Variants in FER1L6 observed in about 807,000 individuals in gnomAD.
The protein encoded by FER1L6 is fer-1 like family member 6.
FER1L6 carries 177 observed loss-of-function variants against 219.2 expected under a neutral mutation model. The ratio of observed to expected loss-of-function variants is 0.81; its 90% CI spans 0.71 to 0.91. FER1L6 has a LOEUF of 0.91. FER1L6 is among the 40% of genes least tolerant of loss of function. The pLI is 0.00. For synonymous variants in FER1L6, 768 were observed against 824.3 expected (o/e 0.93, Z 1.17); for missense variants, 2,153 against 2,259.9 (o/e 0.95, Z 0.96).
chr8:124,100,846 C>T (rs1318576602), intron 37 of FER1L6, among the ~76,000 whole-genome samples: 1 of 109,210 alleles, frequency 9.2e-6, no homozygotes, highest in Non-Finnish European at 2.0e-5. Context: ...CATGGGGCTT[C>T]AGATCTACAC....
chr8:123,934,685 A>C (rs574740509), intron 1 of FER1L6, among the ~76,000 whole-genome samples: 35 of 152,132 alleles, frequency 2.3e-4, no homozygotes, highest in African/African-American at 8.4e-4. Flanking sequence ...CCTTTCATCT[A>C]ATGGTTTTAG....
chr8:123,996,988 T>G (rs1265988248), intron 12 of FER1L6, among the ~76,000 whole-genome samples: 1 of 152,292 alleles, frequency 6.6e-6, no homozygotes, highest in Non-Finnish European at 1.5e-5. Context: ...TGTAGTTATT[T>G]GTTTTTGATA....
chr8:124,030,809 C>G (rs1355357803), intron 18 of FER1L6, among the ~76,000 whole-genome samples: 7 of 152,150 alleles, frequency 4.6e-5, no homozygotes, highest in Admixed American at 4.6e-4. Context: ...CTCACTAATA[C>G]TGACCAACTC....
At chr8:123,905,006 C>T (rs1812925293) in intron 1 of FER1L6, among the ~76,000 whole-genome samples, 1 of 152,174 alleles carries the variant, frequency 6.6e-6, no homozygotes, top group Non-Finnish European at 1.5e-5. Flanking sequence ...TTTACCAGCA[C>T]ACCCCTGAAG....
At chr8:124,006,946 C>A (rs1489982765) in intron 13 of FER1L6, among the ~76,000 whole-genome samples, 3 of 152,102 alleles carry the variant, frequency 2.0e-5, no homozygotes, top group Non-Finnish European at 4.4e-5. Flanking sequence ...TGAGACAAAG[C>A]AAAATTTGGG....
At chr8:124,087,696 C>T (rs1332788094) in intron 33 of FER1L6, among the ~76,000 whole-genome samples, 2 of 152,062 alleles carry the variant, frequency 1.3e-5, no homozygotes, top group Admixed American at 1.3e-4. Context: ...GCAGTCTGCG[C>T]TTGTTTGTAC....
intron 12 of FER1L6, among the ~76,000 whole-genome samples, chr8:124,001,438 T>C (rs1231896602): frequency 6.6e-6 from 1 of 152,222 alleles, no homozygotes; most frequent in African/African-American, 2.4e-5. Context: ...GCTCTCATGC[T>C]CTGCCTTTGT....
intron 20 of FER1L6, among the ~76,000 whole-genome samples, chr8:124,043,309 C>T (rs72714690): frequency 0.3 from 45,614 of 151,994 alleles, 7,676 homozygotes; most frequent in Non-Finnish European, 0.38. Context: ...TAATATCCAA[C>T]GTGCCCAAGT....
intron 12 of FER1L6, among the ~76,000 whole-genome samples, chr8:123,991,245 A>G (rs1816841675): frequency 6.6e-6 from 1 of 152,062 alleles, no homozygotes; most frequent in South Asian, 2.1e-4. Context: ...TTCTGTGAAA[A>G]ATGATGTTGG....
rs1369867945 is a variant in FER1L6 at position 123,893,794 on chromosome 8, G to T, written c.-8+41609G>T. On this transcript the variant is annotated intron_variant, in intron 1 of 40. Transcript: ENST00000522917. ...TAGTGTGGATAATCAAGCCAAGTAT[G>T]TGGGACTGAAGCCTGTTTTGCAGGT... Among the ~76,000 whole-genome samples the T allele has an allele frequency of 2.6e-5, 4 of 152,210 alleles. No homozygotes were observed. In the East Asian group the frequency reaches 7.7e-4, roughly 29 times the overall value.
chr8:124,069,879 A>G (rs1820994152), intron 29 of FER1L6, among the ~76,000 whole-genome samples: 1 of 152,224 alleles, frequency 6.6e-6, no homozygotes, highest in African/African-American at 2.4e-5. Context: ...AGCTAGAGAT[A>G]TATTGATGGC....
chr8:123,886,312 G>A (rs1208007357), intron 1 of FER1L6, among the ~76,000 whole-genome samples: 1 of 152,164 alleles, frequency 6.6e-6, no homozygotes, highest in East Asian at 1.9e-4. Flanking sequence ...GGTTATGGGA[G>A]TAGATCCCTT....
At chr8:123,921,067 T>C (rs1259859109) in intron 1 of FER1L6, among the ~76,000 whole-genome samples, 2 of 152,244 alleles carry the variant, frequency 1.3e-5, no homozygotes, top group African/African-American at 4.8e-5. Context: ...TATATCACAG[T>C]TTTGTTTATC....
At chr8:124,015,607 A>ATATATATATATATATATATATATATATG (rs71289634) in intron 15 of FER1L6, among the ~76,000 whole-genome samples, 3 of 88,602 alleles carry the variant, frequency 3.4e-5, no homozygotes, top group Admixed American at 1.2e-4. Context: ...ATATATATAT[A>ATATATATATATATATATATATATATATG]TATATATATT....
intron 20 of FER1L6, among the ~76,000 whole-genome samples, chr8:124,042,654 C>G (rs1016974126): frequency 6.6e-6 from 1 of 152,094 alleles, no homozygotes; most frequent in African/African-American, 2.4e-5. Flanking sequence ...GTGACATGCC[C>G]CCTTTATGTA....
intron 20 of FER1L6, among the ~76,000 whole-genome samples, chr8:124,044,053 T>C (rs1226736453): frequency 6.6e-6 from 1 of 152,260 alleles, no homozygotes; most frequent in Admixed American, 6.5e-5. Flanking sequence ...TCTGGAATCT[T>C]ATTAAGTGGT....
chr8:123,955,190 A>G (rs952469836), intron 1 of FER1L6, among the ~76,000 whole-genome samples: 1 of 151,772 alleles, frequency 6.6e-6, no homozygotes, highest in Non-Finnish European at 1.5e-5. Flanking sequence ...GATTGCTTGA[A>G]CCCGGGAGGT....
rs576389451 is a variant in FER1L6, at chr8:123,977,578, GA to G, written c.1036del (p.Ile346SerfsTer31). 241 of 1,614,090 alleles carry G rather than the reference GA, an allele frequency of 1.5e-4. No homozygotes were observed. Among genetic ancestry groups the G allele is most frequent in the Non-Finnish European group, 1.9e-4 (228 of 1,179,992 alleles). ...TGGCAACCCATTTCATTGACCTGAA[GA>G]AAATCTCCAACGAACAGGATGGAGA... is the stretch of plus-strand genomic sequence containing the variant. The part of the protein sequence containing the change: ...ALATHFIDLK[K>X]ISNEQDGDKG... On this transcript the variant is annotated frameshift_variant, in exon 10 of 41. Coordinates refer to ENST00000522917, the MANE Select transcript of FER1L6 (RefSeq NM_001039112.2). LOFTEE classifies it high-confidence loss of function.
chr8:123,964,654 A>G (rs1563711924), intron 3 of FER1L6, among the ~76,000 whole-genome samples: 1 of 152,190 alleles, frequency 6.6e-6, no homozygotes, highest in African/African-American at 2.4e-5. Flanking sequence ...CAAGGGTGAT[A>G]GCATTGAGTG....
Sources: gnomAD v4.1 joint callset for allele counts (sites outside exome capture counted in the v4.1 genomes callset) on GRCh38, gnomAD v4.1.1 for gene constraint, MANE v1.5 for transcripts, NCBI Gene and HGNC (gene_info 2026-07-23, HGNC 2026-07-21) for gene names.